Variants in KYAT3 observed in about 807,000 individuals in gnomAD.
KYAT3 encodes kynurenine--oxoglutarate transaminase 3.
In KYAT3, 50 loss-of-function variants were observed where a neutral mutation model predicts 59.0. The observed-to-expected ratio is 0.85, with a 90% CI of 0.68 to 1.07. KYAT3 has a LOEUF of 1.07. KYAT3 is among the 50% of genes least tolerant of loss of function. The pLI is 0.00. For missense variants in KYAT3, 497 were observed against 533.3 expected (o/e 0.93, Z 0.67); for synonymous variants, 148 against 177.0 (o/e 0.84, Z 1.30).
rs533988680 is a variant in KYAT3, at chr1:88,952,473, T to A, written c.954+590A>T. Among the ~76,000 whole-genome samples, 6 of 152,038 alleles carry A rather than the reference T, an allele frequency of 3.9e-5. No homozygotes were observed. In the South Asian group the frequency reaches 1.2e-3, roughly 32 times the overall value. On this transcript the variant is annotated intron_variant, in intron 10 of 13. Coordinates refer to ENST00000260508, the MANE Select transcript of KYAT3 (RefSeq NM_001008661.3). ...CCCCTTGATGCTGTTCTCATGAGAG[T>A]GAGTTATTGTGAGATACGGTTGTTT...
chr1:88,986,192 AAGAG>A (rs372559399), intron 2 of KYAT3, among the ~76,000 whole-genome samples: 15,039 of 150,110 alleles, frequency 0.1, 791 homozygotes, highest in Middle Eastern at 0.19. Context: ...AAAAAAAAAA[AAGAG>A]AGAGAGAGAG....
intron 2 of KYAT3, chr1:88,983,373 C>T (rs1396312959): frequency 6.2e-7 from 1 of 1,614,062 alleles, no homozygotes; most frequent in African/African-American, 1.3e-5. Context: ...GGTGGTGGTC[C>T]TCTTTTTACT....
chr1:88,980,589 G>C (rs1677034575), intron 2 of KYAT3: 1 of 152,488 alleles, frequency 6.6e-6, no homozygotes, highest in Non-Finnish European at 1.5e-5. Flanking sequence ...AAACCCAGAA[G>C]AATCAAGATC....
intron 4 of KYAT3, among the ~76,000 whole-genome samples, chr1:88,968,089 A>G (rs1361556149): frequency 6.6e-6 from 1 of 152,218 alleles, no homozygotes; most frequent in East Asian, 1.9e-4. Context: ...TTAGACCACT[A>G]TAGAAGACAA....
At chr1:88,952,944 A>T (rs1406758372) in intron 10 of KYAT3, 119 bp downstream of exon 10, 5 of 627,522 alleles carry the variant, frequency 8.0e-6, no homozygotes, top group Non-Finnish European at 1.4e-5. Flanking sequence ...TCCAAATTAT[A>T]TTAGAAGGCC....
chr1:88,938,200 T>C (rs1675107938), intron 13 of KYAT3, among the ~76,000 whole-genome samples: 1 of 152,062 alleles, frequency 6.6e-6, no homozygotes, highest in South Asian at 2.1e-4. Flanking sequence ...TCTTGAAACT[T>C]TTAGGTTGAG....
rs1026545916 is a variant in KYAT3, at chr1:88,941,928, G to A, written c.1302+1077C>T. 9.2e-5 allele frequency among the ~76,000 whole-genome samples: 14 copies of A among 152,130 alleles called. 1 individual carries two copies. The highest frequency in any genetic ancestry group is 3.3e-4 in the Admixed American group (5 of 15,274). On this transcript the variant is annotated intron_variant, in intron 13 of 13. Coordinates refer to ENST00000260508, the MANE Select transcript of KYAT3 (RefSeq NM_001008661.3). ...ATTGTGCTTTTAAAATATTTATCCT[G>A]TTGTATTTCATTGACCTTTTTAGAC...
At chr1:88,939,750 T>G (rs1229500095) in intron 13 of KYAT3, among the ~76,000 whole-genome samples, 1 of 152,212 alleles carries the variant, frequency 6.6e-6, no homozygotes, top group African/African-American at 2.4e-5. Context: ...AAGTATTTAG[T>G]GTTCTTTGTG....
At chr1:88,971,526 C>T (rs147898321) in intron 2 of KYAT3, among the ~76,000 whole-genome samples, 2 of 152,226 alleles carry the variant, frequency 1.3e-5, no homozygotes, top group Non-Finnish European at 2.9e-5. Context: ...TAGTCATCTT[C>T]CCTCCCCTCA....
At chr1:88,963,137 T>A (rs1676213685) in intron 5 of KYAT3, among the ~76,000 whole-genome samples, 1 of 151,894 alleles carries the variant, frequency 6.6e-6, no homozygotes, top group South Asian at 2.1e-4. Flanking sequence ...TTTCAGATAG[T>A]AATAAATGCT....
At chr1:88,958,509 C>T (rs1052458381) in intron 8 of KYAT3, among the ~76,000 whole-genome samples, 1 of 151,902 alleles carries the variant, frequency 6.6e-6, no homozygotes, top group Non-Finnish European at 1.5e-5. Context: ...CTCACTGGCA[C>T]TCTGGTGATC....
intron 11 of KYAT3, 82 bp from the exon 12 acceptor site, chr1:88,943,505 C>A: frequency 1.3e-6 from 1 of 761,782 alleles, no homozygotes; most frequent in South Asian, 1.6e-5. Context: ...CAAGATTCAA[C>A]ATTTTCTCCT....
At chr1:88,962,556 A>ATGTGGGAAGAGAACTAT (rs1676187529) in intron 5 of KYAT3, among the ~76,000 whole-genome samples, 1 of 152,258 alleles carries the variant, frequency 6.6e-6, no homozygotes, top group Non-Finnish European at 1.5e-5. Context: ...AGTGACAGAC[A>ATGTGGGAAGAGAACTAT]GCAGGCTATG....
At chr1:88,925,326 TG>T in the KYAT3 span, among the ~76,000 whole-genome samples, 1 of 152,224 alleles carries the variant, frequency 6.6e-6, no homozygotes, top group Non-Finnish European at 1.5e-5. Flanking sequence ...CCATACCTCC[TG>T]GGTCCCGACC....
chr1:88,943,021 C>G lies in KYAT3; in HGVS notation c.1286G>C (p.Arg429Pro). The G allele has an allele frequency of 6.2e-7, 1 of 1,612,260 alleles. No homozygotes were observed. The highest frequency in any genetic ancestry group is 1.1e-5 in the South Asian group (1 of 90,888). ...ETKSQFEKFV[R>P]FCFIKKDSTL... The stretch of plus-strand genomic sequence containing the variant: ...GGAACTTACTTTAATGAAGCAAAAA[C>G]GCACAAACTTCTCAAACTGTGATTT... The change falls in exon 13 of 14, where the codon CGT becomes CCT. Residue 429 changes from arginine (R) to proline (P), a missense_variant. Coordinates refer to ENST00000260508, the MANE Select transcript of KYAT3 (RefSeq NM_001008661.3).
the KYAT3 span, among the ~76,000 whole-genome samples, chr1:88,930,733 G>A: frequency 6.6e-6 from 1 of 152,148 alleles, no homozygotes; most frequent in South Asian, 2.1e-4. Flanking sequence ...CAGCAATATA[G>A]AGAGAAAGGG....
chr1:88,976,154 C>T (rs542442577), intron 2 of KYAT3, among the ~76,000 whole-genome samples: 4 of 152,026 alleles, frequency 2.6e-5, no homozygotes, highest in South Asian at 4.1e-4. Context: ...GTCAGGAGTT[C>T]GAGACCAGCC....
the KYAT3 span, among the ~76,000 whole-genome samples, chr1:88,930,640 T>A: frequency 8.9e-4 from 135 of 152,298 alleles, no homozygotes; most frequent in African/African-American, 3.1e-3. Flanking sequence ...TAGCCCTCAC[T>A]TGGGCACTAA....
At chr1:88,956,132 A>G (rs1675905702) in intron 8 of KYAT3, among the ~76,000 whole-genome samples, 1 of 152,200 alleles carries the variant, frequency 6.6e-6, no homozygotes, top group Admixed American at 6.5e-5. Context: ...GCCTTCTTGC[A>G]CTTAGGAATA....
Sources: allele counts gnomAD v4.1 joint callset (sites outside exome capture counted in the v4.1 genomes callset), GRCh38; gene constraint gnomAD v4.1.1; transcripts MANE v1.5; gene names NCBI Gene and HGNC (gene_info 2026-07-23, HGNC 2026-07-21).